ZNF611: variants seen among roughly 807,000 people sequenced by gnomAD.
The protein encoded by ZNF611 is zinc finger protein 611.
Under a neutral mutation model 8.9 loss-of-function variants are expected in ZNF611, and 6 were observed. The ratio of observed to expected loss-of-function variants is 0.68; its 90% CI spans 0.37 to 1.34. ZNF611 has a LOEUF of 1.34. Among genes scored for constraint, ZNF611 ranks in the 40% most tolerant of loss-of-function variants. The pLI is 0.02. For synonymous variants in ZNF611, 262 were observed against 279.7 expected, an observed-to-expected ratio of 0.94 and a Z score of 0.63; for missense variants, 874 against 841.3, an observed-to-expected ratio of 1.04 and a Z score of -0.48.
chr19:52,723,627 GAAAT>G (rs1442015837), intron 3 of ZNF611: 2 of 151,216 alleles, frequency 1.3e-5, no homozygotes, highest in Admixed American at 6.6e-5. Context: ...ACTGAGAAAA[GAAAT>G]AAGACAGAGA....
rs563772801 is a variant in ZNF611 at position 52,714,615 on chromosome 19, G to A, written c.64-474C>T. ...AGGCAGGAGAATCACTTGAACCCGG[G>A]AGATGGAGGCTGCAGTGAGCCAAGT... On this transcript the variant is annotated intron_variant, in intron 4 of 5. Transcript: ENST00000652185. 4.7e-5 allele frequency among the ~76,000 whole-genome samples: 7 copies of A among 150,282 alleles called. No homozygotes were observed. In the East Asian group the frequency reaches 1.4e-3, roughly 29 times the overall value.
intron 3 of ZNF611, among the ~76,000 whole-genome samples, chr19:52,727,352 AAG>A (rs1398156846): frequency 8.5e-5 from 13 of 152,194 alleles, no homozygotes; most frequent in Non-Finnish European, 1.9e-4. Context: ...AGAGGTTGAA[AAG>A]AGAGAAAGAA....
Position 52,706,616 on chromosome 19 carries a change from C to A in ZNF611, c.439G>T (p.Ala147Ser), listed in dbSNP as rs2062247155. 1.2e-6 allele frequency: 2 copies of A among 1,614,012 alleles called. No homozygotes were observed. ...TGATCTTTAATAGGCTTGTTTCCAG[C>A]ATGCCTGTGATCATGTTGGTCTGTG... Reference protein sequence around the residue: ...GSTDQHDHRHAGNKPIKDQLG... With the variant: ...GSTDQHDHRHSGNKPIKDQLG... The change falls in exon 6 of 6, where the codon GCT becomes TCT. Residue 147 changes from alanine to serine, a missense_variant. Physicochemically the swap from Ala to Ser is moderately conservative, Grantham distance 99 (BLOSUM62 1). Transcript: ENST00000652185.
intron 1 of ZNF611, among the ~76,000 whole-genome samples, chr19:52,733,074 T>G (rs533573812): frequency 1.3e-5 from 2 of 152,276 alleles, no homozygotes; most frequent in South Asian, 4.1e-4. Flanking sequence ...GATTCACAAC[T>G]GAATAAGTGA....
chr19:52,728,252 C>T (rs1273144023), intron 3 of ZNF611, among the ~76,000 whole-genome samples: 1 of 150,156 alleles, frequency 6.7e-6, no homozygotes, highest in Admixed American at 6.7e-5. Context: ...AGAAATACAT[C>T]CCTGGGCCGG....
intron 3 of ZNF611, among the ~76,000 whole-genome samples, chr19:52,725,526 C>A (rs541385946): frequency 3.9e-5 from 6 of 152,268 alleles, no homozygotes; most frequent in African/African-American, 1.4e-4. Flanking sequence ...GCAGAAAGAC[C>A]GGGGACGGGA....
intron 5 of ZNF611, among the ~76,000 whole-genome samples, chr19:52,712,330 G>A (rs1336579228): frequency 6.6e-6 from 1 of 151,776 alleles, no homozygotes; most frequent in Non-Finnish European, 1.5e-5. Flanking sequence ...TGTGAAAACA[G>A]AGCCAGGCTG....
At chr19:52,714,317 C>T (rs1408164385) in intron 4 of ZNF611, among the ~76,000 whole-genome samples, 176 bp from the exon 5 acceptor site, 1 of 151,880 alleles carries the variant, frequency 6.6e-6, no homozygotes, top group East Asian at 1.9e-4. Context: ...TGTAGTTTTC[C>T]TTGAAAGATT....
chr19:52,724,827 C>T (rs941768416), intron 3 of ZNF611, among the ~76,000 whole-genome samples: 2 of 152,114 alleles, frequency 1.3e-5, no homozygotes, highest in African/African-American at 4.8e-5. Context: ...GGTGAGCCTC[C>T]CTCTTTGCTG....
chr19:52,709,671 G>A (rs11084181), intron 5 of ZNF611, among the ~76,000 whole-genome samples: 64,197 of 151,154 alleles, frequency 0.42, 14,068 homozygotes, highest in African/African-American at 0.55. Flanking sequence ...AGGTTCAAGC[G>A]ATTCTCCTGC....
intron 5 of ZNF611, among the ~76,000 whole-genome samples, chr19:52,710,686 G>A (rs11084184): frequency 0.43 from 65,058 of 151,910 alleles, 14,493 homozygotes; most frequent in African/African-American, 0.55. Flanking sequence ...TTTCTAACAG[G>A]ACAGTGAAAA....
intron 1 of ZNF611, among the ~76,000 whole-genome samples, chr19:52,730,400 A>C (rs1397789093): frequency 3.3e-4 from 7 of 21,120 alleles, no homozygotes; most frequent in Non-Finnish European, 7.2e-4. Flanking sequence ...TCAAAAAAAA[A>C]AAAAAAAAAA....
At chr19:52,732,621 A>T (rs62117398) in intron 1 of ZNF611, among the ~76,000 whole-genome samples, 5,795 of 142,214 alleles carry the variant, frequency 0.041, 456 homozygotes, top group African/African-American at 0.11. Flanking sequence ...TGAGTTATTC[A>T]GAATAACTCA....
At chr19:52,732,890 G>C (rs146219258) in intron 1 of ZNF611, among the ~76,000 whole-genome samples, 1 of 152,050 alleles carries the variant, frequency 6.6e-6, no homozygotes, top group South Asian at 2.1e-4. Flanking sequence ...AGAGGTCGAG[G>C]CTGCAGTTAG....
chr19:52,715,457 T>C (rs1403515525), intron 4 of ZNF611, among the ~76,000 whole-genome samples: 1 of 152,200 alleles, frequency 6.6e-6, no homozygotes, highest in African/African-American at 2.4e-5. Context: ...TTTCCAGAAT[T>C]AACCACACAT....
chr19:52,707,866 A>G, intron 5 of ZNF611, among the ~76,000 whole-genome samples: 1 of 151,968 alleles, frequency 6.6e-6, no homozygotes, highest in East Asian at 1.9e-4. Context: ...CCTGACCTCA[A>G]GTAATCCACC....
At chr19:52,709,663 G>A (rs1156885211) in intron 5 of ZNF611, among the ~76,000 whole-genome samples, 1 of 151,896 alleles carries the variant, frequency 6.6e-6, no homozygotes, top group Non-Finnish European at 1.5e-5. Context: ...CGCCTCGCAG[G>A]TTCAAGCGAT....
chr19:52,718,708 G>A (rs2062334338), intron 3 of ZNF611, among the ~76,000 whole-genome samples: 1 of 151,942 alleles, frequency 6.6e-6, no homozygotes, highest in African/African-American at 2.4e-5. Flanking sequence ...TGAGGCAGGA[G>A]AATCACTTGA....
Position 52,733,682 on chromosome 19 carries a change from CTTG to C in ZNF611, c.-222+1316_-222+1318del, listed in dbSNP as rs377663734. On this transcript the variant is annotated intron_variant, in intron 1 of 5. Transcript: ENST00000652185. ...TCATTCTCCCCTTCTCTCTCTAGCT[CTTG>C]TTTTCTTTTCTTTTTCCCTGGGATT... Among the ~76,000 whole-genome samples the C allele has an allele frequency of 2.7e-3, 406 of 152,116 alleles. 4 individuals carry two copies. The highest frequency in any genetic ancestry group is 9.2e-3 in the African/African-American group (382 of 41,502).
Sources: allele counts gnomAD v4.1 joint callset (sites outside exome capture counted in the v4.1 genomes callset), GRCh38; gene constraint gnomAD v4.1.1; transcripts MANE v1.5; gene names NCBI Gene and HGNC (gene_info 2026-07-23, HGNC 2026-07-21).